ERI3: variants seen among roughly 807,000 people sequenced by gnomAD.
ERI3 encodes the protein ERI1 exoribonuclease family member 3.
ERI3 carries 18 observed loss-of-function variants against 44.4 expected under a neutral mutation model. The observed-to-expected ratio is 0.41, with a 90% CI of 0.28 to 0.60. The LOEUF (loss-of-function observed/expected upper bound fraction) is 0.60, where lower values mean the gene tolerates loss of function less well. Among genes scored for constraint, ERI3 ranks in the 20% least tolerant of loss-of-function variants. The pLI, the probability that ERI3 is intolerant of heterozygous loss-of-function variation, is 0.36. For missense variants in ERI3, 294 were observed against 435.5 expected, an observed-to-expected ratio of 0.68 and a Z score of 2.89; for synonymous variants, 183 against 164.8, an observed-to-expected ratio of 1.11 and a Z score of -0.84.
intron 7 of ERI3, among the ~76,000 whole-genome samples, chr1:44,264,539 C>CA (rs2154320568): frequency 1.3e-5 from 2 of 152,334 alleles, no homozygotes; most frequent in African/African-American, 4.8e-5. Context: ...ATCATGCCGC[C>CA]AGGCTGGACG....
At chr1:44,271,403 T>C (rs547344752) in intron 7 of ERI3, among the ~76,000 whole-genome samples, 1 of 152,270 alleles carries the variant, frequency 6.6e-6, no homozygotes, top group East Asian at 1.9e-4. Context: ...CACTCAAGTA[T>C]CTCCACCAAA....
intron 7 of ERI3, among the ~76,000 whole-genome samples, chr1:44,269,934 C>T (rs553486205): frequency 1.3e-5 from 2 of 152,324 alleles, no homozygotes; most frequent in Admixed American, 6.5e-5. Context: ...GTATCCAACA[C>T]AGATGGCATC....
chr1:44,285,113 G>C (rs1197932296), intron 6 of ERI3, among the ~76,000 whole-genome samples: 1 of 152,226 alleles, frequency 6.6e-6, no homozygotes, highest in Non-Finnish European at 1.5e-5. Context: ...TCAGATCCAA[G>C]TGTGAGAGCC....
intron 7 of ERI3, among the ~76,000 whole-genome samples, chr1:44,259,730 G>T (rs1436566855): frequency 2.6e-5 from 2 of 75,978 alleles, no homozygotes; most frequent in Non-Finnish European, 5.0e-5. Context: ...ACACAAATTA[G>T]CCAGGCATGG....
intron 1 of ERI3, chr1:44,353,537 T>G: frequency 1.0e-6 from 1 of 985,426 alleles, no homozygotes; most frequent in Non-Finnish European, 1.2e-6. Flanking sequence ...ACACCTAGGG[T>G]TGGAACTAAT....
intron 7 of ERI3, among the ~76,000 whole-genome samples, chr1:44,274,878 T>C (rs749987186): frequency 1.3e-5 from 2 of 152,100 alleles, no homozygotes; most frequent in African/African-American, 2.4e-5. Context: ...TAGTGCTCTA[T>C]GCGTGTGTTT....
intron 6 of ERI3, among the ~76,000 whole-genome samples, chr1:44,304,083 T>A (rs117526541): frequency 2.6e-5 from 4 of 151,974 alleles, no homozygotes; most frequent in East Asian, 3.9e-4. Flanking sequence ...GAGGGAATGA[T>A]GGAGGACAGG....
intron 7 of ERI3, among the ~76,000 whole-genome samples, chr1:44,274,675 G>C (rs1645147751): frequency 6.6e-6 from 1 of 152,160 alleles, no homozygotes; most frequent in South Asian, 2.1e-4. Context: ...GGATGAAAGG[G>C]GAAAGAGTTC....
At chr1:44,261,289 C>G (rs1644888749) in intron 7 of ERI3, among the ~76,000 whole-genome samples, 1 of 152,250 alleles carries the variant, frequency 6.6e-6, no homozygotes, top group Non-Finnish European at 1.5e-5. Flanking sequence ...GCGCACAGCG[C>G]GGAGGAAGGC....
intron 2 of ERI3, among the ~76,000 whole-genome samples, chr1:44,344,213 G>A (rs1025969102): frequency 1.3e-4 from 19 of 150,178 alleles, no homozygotes; most frequent in Admixed American, 8.1e-4. Context: ...ACTCCAGCCT[G>A]GGTGACAGAG....
In ERI3 at chr1:44,224,317, C is replaced by T. The variant is rs371348666; in HGVS notation, c.932-2677G>A. On this transcript the variant is annotated intron_variant, in intron 8 of 8. Coordinates refer to ENST00000372257, the MANE Select transcript of ERI3 (RefSeq NM_024066.3). ...CACCAGTAATATGTCTTAAAGGCTCCGCAAAAATTGATCCCTGCTATTTCT... is the reference window on the plus strand; with the variant it reads ...CACCAGTAATATGTCTTAAAGGCTCTGCAAAAATTGATCCCTGCTATTTCT... Among the ~76,000 whole-genome samples, 16 of 152,288 alleles carry T rather than the reference C, an allele frequency of 1.1e-4. No homozygotes were observed. The East Asian group carries it at 2.5e-3, about 24-fold the overall frequency.
At chr1:44,347,909 T>G (rs1646816486) in intron 2 of ERI3, among the ~76,000 whole-genome samples, 1 of 150,684 alleles carries the variant, frequency 6.6e-6, no homozygotes, top group Admixed American at 6.6e-5. Context: ...GTGTGTGTTT[T>G]AATCTAAACT....
intron 3 of ERI3, among the ~76,000 whole-genome samples, chr1:44,324,718 G>A (rs113702600): frequency 0.031 from 4,662 of 152,048 alleles, 109 homozygotes; most frequent in Middle Eastern, 0.051. Context: ...TCCTGACCTC[G>A]TGATCCACCC....
intron 6 of ERI3, among the ~76,000 whole-genome samples, chr1:44,296,459 C>T (rs748894167): frequency 2.6e-5 from 4 of 152,192 alleles, no homozygotes; most frequent in Non-Finnish European, 4.4e-5. Context: ...AGAGCAATCA[C>T]TCTGCTAACC....
chr1:44,351,973 C>G (rs1325117471), intron 2 of ERI3, among the ~76,000 whole-genome samples: 2 of 152,208 alleles, frequency 1.3e-5, no homozygotes, highest in Non-Finnish European at 2.9e-5. Context: ...CTACACTTCC[C>G]TTACTATAGC....
At chr1:44,301,506 C>T (rs576035281) in intron 6 of ERI3, among the ~76,000 whole-genome samples, 1 of 152,194 alleles carries the variant, frequency 6.6e-6, no homozygotes, top group African/African-American at 2.4e-5. Flanking sequence ...TAATTTGCCC[C>T]TGTAACTGCC....
At chr1:44,309,489 T>C (rs1469106609) in intron 5 of ERI3, among the ~76,000 whole-genome samples, 3 of 151,816 alleles carry the variant, frequency 2.0e-5, no homozygotes, top group African/African-American at 7.3e-5. Context: ...AGCGAGACTC[T>C]GTAAAAAATA....
intron 2 of ERI3, among the ~76,000 whole-genome samples, chr1:44,341,750 C>T (rs192986758): frequency 7.9e-5 from 12 of 151,970 alleles, no homozygotes; most frequent in Admixed American, 3.3e-4. Context: ...ATTAGCCAGG[C>T]GGGGTGCTGC....
chr1:44,329,720 A>G (rs1034113341), intron 3 of ERI3, among the ~76,000 whole-genome samples: 1 of 152,218 alleles, frequency 6.6e-6, no homozygotes, highest in African/African-American at 2.4e-5. Flanking sequence ...TCCTAGAGGA[A>G]TAACTACCCA....
Sources: allele counts gnomAD v4.1 joint callset (sites outside exome capture counted in the v4.1 genomes callset), GRCh38; gene constraint gnomAD v4.1.1; transcripts MANE v1.5; gene names NCBI Gene and HGNC (gene_info 2026-07-23, HGNC 2026-07-21).